TEX11: variants seen among roughly 807,000 people sequenced by gnomAD.
The protein encoded by TEX11 is testis-expressed protein 11.
TEX11 carries 7 observed loss-of-function variants against 84.4 expected under a neutral mutation model. The ratio of observed to expected loss-of-function variants is 0.08; its 90% confidence interval spans 0.05 to 0.16. The LOEUF is 0.16. TEX11 is among the 10% of genes least tolerant of loss of function. The pLI is 1.00. For missense variants in TEX11, 551 were observed against 660.5 expected, an observed-to-expected ratio of 0.83 and a Z score of 1.82; for synonymous variants, 264 against 222.8, an observed-to-expected ratio of 1.18 and a Z score of -1.64.
chrX:70,862,658 C>A (rs1052929817), intron 4 of TEX11, among the ~76,000 whole-genome samples: 2 of 108,558 alleles, frequency 1.8e-5, no homozygotes. Context: ...AACCCCAACA[C>A]TTTAAGAGGC....
intron 24 of TEX11, among the ~76,000 whole-genome samples, chrX:70,595,816 A>C (rs917980216): frequency 1.8e-5 from 2 of 111,707 alleles, no homozygotes; most frequent in Non-Finnish European, 1.9e-5. Flanking sequence ...GAGTGCATTA[A>C]ACAACCCAAT....
chrX:70,836,006 C>T (rs1323327044), intron 7 of TEX11, among the ~76,000 whole-genome samples: 1 of 107,264 alleles, frequency 9.3e-6, no homozygotes, highest in African/African-American at 3.4e-5. Flanking sequence ...ATCTCAGCTA[C>T]TTGGGAGGCT....
chrX:70,679,552 G>C (rs753758056), intron 14 of TEX11, among the ~76,000 whole-genome samples: 1 of 110,637 alleles, frequency 9.0e-6, no homozygotes, highest in Admixed American at 9.4e-5. Flanking sequence ...CTGCCCGGCC[G>C]CCCCGTCTGA....
chrX:70,541,110 A>C (rs2088037846), intron 28 of TEX11, among the ~76,000 whole-genome samples: 1 of 110,978 alleles, frequency 9.0e-6, no homozygotes, highest in African/African-American at 3.3e-5. Flanking sequence ...GGATCGCTTA[A>C]GCCTGGGGGG....
chrX:70,787,745 G>A (rs1191218054), intron 9 of TEX11, among the ~76,000 whole-genome samples: 1 of 111,672 alleles, frequency 9.0e-6, no homozygotes, highest in Non-Finnish European at 1.9e-5. Context: ...TGTATCAGAT[G>A]CTGACAACAT....
At chrX:70,574,817 G>T (rs950047737) in intron 25 of TEX11, among the ~76,000 whole-genome samples, 1 of 111,304 alleles carries the variant, frequency 9.0e-6, no homozygotes, top group African/African-American at 3.3e-5. Context: ...TTTTTGAAAG[G>T]GTGTGGTCTC....
chrX:70,525,765 A>G (rs2087816621), downstream of TEX11, among the ~76,000 whole-genome samples: 1 of 112,124 alleles, frequency 8.9e-6, no homozygotes, highest in Non-Finnish European at 1.9e-5. Flanking sequence ...CAATGCTGAG[A>G]GCATAGAATA....
the TEX11 span, among the ~76,000 whole-genome samples, chrX:70,518,490 GT>G: frequency 8.9e-6 from 1 of 112,280 alleles, no homozygotes; most frequent in Non-Finnish European, 1.9e-5. Flanking sequence ...CTGAGAGACA[GT>G]TTGTTATAAT....
chrX:70,873,598 A>G (rs2091640424), intron 3 of TEX11, among the ~76,000 whole-genome samples: 1 of 112,030 alleles, frequency 8.9e-6, no homozygotes, highest in Non-Finnish European at 1.9e-5. Flanking sequence ...AATCCATTTC[A>G]GTCTCACCAA....
At chrX:70,833,367 G>A in intron 8 of TEX11, 146 bp downstream of exon 8, 1 of 455,060 alleles carries the variant, frequency 2.2e-6, no homozygotes, top group South Asian at 4.0e-5. Flanking sequence ...AAAGAACAAA[G>A]GAAGCAAAAT....
chrX:70,645,027 G>A (rs914046967), intron 17 of TEX11, among the ~76,000 whole-genome samples: 1 of 110,775 alleles, frequency 9.0e-6, no homozygotes, highest in African/African-American at 3.3e-5. Flanking sequence ...GAACAATTAT[G>A]TACCAAGAAA....
At chrX:70,852,802 G>A (rs1448917517) in intron 7 of TEX11, among the ~76,000 whole-genome samples, 2 of 111,135 alleles carry the variant, frequency 1.8e-5, no homozygotes, top group Admixed American at 1.9e-4. Context: ...ACATGCAGGG[G>A]GTGAAAATGA....
chrX:70,799,861 G>A (rs2091176741), intron 9 of TEX11, among the ~76,000 whole-genome samples: 1 of 111,830 alleles, frequency 8.9e-6, no homozygotes, highest in African/African-American at 3.2e-5. Context: ...AACAAATTGA[G>A]ATGTCTATGG....
intron 22 of TEX11, among the ~76,000 whole-genome samples, chrX:70,608,740 CAAA>C (rs61517512): frequency 1.2e-3 from 78 of 66,920 alleles, no homozygotes; most frequent in Middle Eastern, 7.8e-3. Flanking sequence ...GACTCCATCT[CAAA>C]AAAAAAAAAA....
chrX:70,883,320 G>A (rs936633262), intron 2 of TEX11, among the ~76,000 whole-genome samples: 1 of 111,162 alleles, frequency 9.0e-6, no homozygotes, highest in Non-Finnish European at 1.9e-5. Flanking sequence ...AAAGTGTCTC[G>A]CGCTTGTAAT....
intron 28 of TEX11, among the ~76,000 whole-genome samples, chrX:70,536,779 A>T (rs1294864238): frequency 8.9e-6 from 1 of 112,228 alleles, no homozygotes; most frequent in African/African-American, 3.2e-5. Context: ...TTTTACAAAA[A>T]ATGTTTTGGT....
At chrX:70,523,715 C>T in the TEX11 span, among the ~76,000 whole-genome samples, 8 of 108,487 alleles carry the variant, frequency 7.4e-5, no homozygotes, top group Admixed American at 4.0e-4. Context: ...CTGCCCGCCT[C>T]GGCCTCCCAA....
intron 13 of TEX11, among the ~76,000 whole-genome samples, chrX:70,693,712 G>A (rs1038605034): frequency 4.5e-5 from 5 of 111,741 alleles, no homozygotes; most frequent in Admixed American, 3.8e-4. Flanking sequence ...ACAGCATGGT[G>A]ACTATAGTTA....
At chrX:70,873,445 T>G in intron 3 of TEX11, 138 bp from the exon 4 acceptor site, 3 of 447,282 alleles carry the variant, frequency 6.7e-6, no homozygotes, top group Non-Finnish European at 1.2e-5. Flanking sequence ...GCATTCTACC[T>G]CTCCCCGCAA....
Sources: gnomAD v4.1 joint callset for allele counts (sites outside exome capture counted in the v4.1 genomes callset) on GRCh38, gnomAD v4.1.1 for gene constraint, MANE v1.5 for transcripts, NCBI Gene and HGNC (gene_info 2026-07-23, HGNC 2026-07-21) for gene names.